TLK2: variants seen among roughly 807,000 people sequenced by gnomAD.
TLK2 encodes the protein serine/threonine-protein kinase tousled-like 2.
TLK2 carries 6 observed loss-of-function variants against 117.3 expected under a neutral mutation model. The ratio of observed to expected loss-of-function variants is 0.05; its 90% CI spans 0.03 to 0.10. TLK2 has a LOEUF of 0.10. Among genes scored for constraint, TLK2 ranks in the 10% least tolerant of loss-of-function variants. The pLI, the probability that TLK2 is intolerant of heterozygous loss-of-function variation, is 1.00. For missense variants in TLK2, 299 were observed against 901.2 expected (o/e 0.33, Z 8.56); for synonymous variants, 257 against 316.7 (o/e 0.81, Z 2.00).
chr17:62,559,667 G>A (rs1279235350), intron 9 of TLK2, among the ~76,000 whole-genome samples: 2 of 152,014 alleles, frequency 1.3e-5, no homozygotes, highest in African/African-American at 4.8e-5. Context: ...CATGAGCCAC[G>A]ATTCCCAGCT....
intron 2 of TLK2, among the ~76,000 whole-genome samples, chr17:62,513,027 C>T (rs1181891278): frequency 4.6e-5 from 7 of 151,160 alleles, no homozygotes; most frequent in East Asian, 3.9e-4. Flanking sequence ...TACAGGCACC[C>T]GCCACCATGC....
chr17:62,516,251 T>G, intron 2 of TLK2: 1 of 847,450 alleles, frequency 1.2e-6, no homozygotes, highest in Non-Finnish European at 1.9e-6. Flanking sequence ...AAGAGTTGAT[T>G]ATAGTTTTAG....
At chr17:62,480,766 A>G (rs1208799054) in intron 1 of TLK2, among the ~76,000 whole-genome samples, 1 of 152,242 alleles carries the variant, frequency 6.6e-6, no homozygotes, top group Non-Finnish European at 1.5e-5. Flanking sequence ...TAAGGCTGAT[A>G]GAAGGAATTT....
chr17:62,516,220 C>A (rs1255402796), intron 2 of TLK2: 6 of 717,980 alleles, frequency 8.4e-6, no homozygotes, highest in Admixed American at 2.3e-5. Flanking sequence ...TCACCGCGCC[C>A]GGCTCTCCCT....
chr17:62,524,203 A>C, intron 5 of TLK2, 33 bp from the exon 6 acceptor site: 1 of 1,612,942 alleles, frequency 6.2e-7, no homozygotes, highest in South Asian at 1.1e-5. Context: ...TACTGTTTTG[A>C]ATTATTCATA....
chr17:62,551,363 T>A (rs1483543437), intron 7 of TLK2, among the ~76,000 whole-genome samples: 3 of 152,238 alleles, frequency 2.0e-5, no homozygotes, highest in East Asian at 1.9e-4. Flanking sequence ...TTTCTACTTA[T>A]GTCTGTGATG....
At chr17:62,555,348 A>G (rs2078775814) in intron 9 of TLK2, among the ~76,000 whole-genome samples, 1 of 152,052 alleles carries the variant, frequency 6.6e-6, no homozygotes, top group Non-Finnish European at 1.5e-5. Flanking sequence ...CTTGTATTAT[A>G]TTTCTGTACT....
intron 10 of TLK2, among the ~76,000 whole-genome samples, chr17:62,563,356 A>G (rs1452801970): frequency 6.6e-6 from 1 of 152,144 alleles, no homozygotes; most frequent in Non-Finnish European, 1.5e-5. Flanking sequence ...AGGTGGGAGG[A>G]TCATTGGAGC....
intron 10 of TLK2, among the ~76,000 whole-genome samples, chr17:62,562,846 A>G (rs2079407949): frequency 6.6e-6 from 1 of 152,084 alleles, no homozygotes; most frequent in Non-Finnish European, 1.5e-5. Context: ...TTGGCCGGGC[A>G]TGGTGACTCA....
chr17:62,570,873 T>A (rs2080232327), intron 11 of TLK2, among the ~76,000 whole-genome samples: 1 of 152,166 alleles, frequency 6.6e-6, no homozygotes, highest in Non-Finnish European at 1.5e-5. Context: ...ATTGCTAAAA[T>A]CTCAATTTTG....
chr17:62,584,107 G>GTTTTTTTTTTTTTTTTTTTTTTTTTTT (rs572000997), intron 15 of TLK2, among the ~76,000 whole-genome samples: 2 of 78,524 alleles, frequency 2.5e-5, no homozygotes, highest in Non-Finnish European at 4.5e-5. Context: ...TTCTTTTGTG[G>GTTTTTTTTTTTTTTTTTTTTTTTTTTT]TTTTTTTTTT....
At chr17:62,516,170 T>C (rs1015733278) in intron 2 of TLK2, among the ~76,000 whole-genome samples, 26 of 151,906 alleles carry the variant, frequency 1.7e-4, no homozygotes, top group Middle Eastern at 6.8e-3. Flanking sequence ...GGTGATCCGC[T>C]CACCTCGGCC....
At chr17:62,489,036 C>T (rs892380120) in intron 2 of TLK2, among the ~76,000 whole-genome samples, 3 of 151,902 alleles carry the variant, frequency 2.0e-5, no homozygotes, top group Non-Finnish European at 2.9e-5. Flanking sequence ...AAAAATGCCT[C>T]CCATCAGCAT....
rs2083912376 is a variant in TLK2 at position 62,613,097 on chromosome 17, A to G, written c.*532A>G. On this transcript the variant is annotated 3_prime_UTR_variant, in exon 22 of 22. Transcript: ENST00000346027. ...AAAGTTGCTATTGCCCGTTAAAGGC[A>G]CTAGAGTTAGTGTTTTATCCCTAAA... 1.3e-5 allele frequency: 2 copies of G among 152,698 alleles called. No homozygotes were observed. The highest frequency in any genetic ancestry group is 6.5e-5 in the Admixed American group (1 of 15,286). The allele number at this position is 152,698 out of a possible 1,614,324, so 9.5% of individuals were successfully genotyped here.
intron 14 of TLK2, among the ~76,000 whole-genome samples, chr17:62,579,334 C>G (rs2081046666): frequency 6.6e-6 from 1 of 152,102 alleles, no homozygotes; most frequent in Admixed American, 6.6e-5. Context: ...AATCAGAAAA[C>G]AAGCTTAGAG....
At chr17:62,572,762 A>G (rs2146606089) in intron 11 of TLK2, 1 of 153,340 alleles carries the variant, frequency 6.5e-6, no homozygotes, top group Middle Eastern at 3.4e-3. Flanking sequence ...TTTCTTTAGC[A>G]TCCTACAAAC....
intron 2 of TLK2, among the ~76,000 whole-genome samples, chr17:62,487,618 A>ATGT (rs1438330069): frequency 1.4e-4 from 14 of 97,232 alleles, no homozygotes; most frequent in South Asian, 1.3e-3. Flanking sequence ...CTTGGCAAGT[A>ATGT]TCTTTTTTTT....
intron 6 of TLK2, among the ~76,000 whole-genome samples, chr17:62,532,264 A>G (rs1247817614): frequency 6.6e-6 from 1 of 152,136 alleles, no homozygotes; most frequent in Non-Finnish European, 1.5e-5. Flanking sequence ...TCAAACAGGA[A>G]AGGCTGTAGC....
intron 16 of TLK2, among the ~76,000 whole-genome samples, 190 bp from the exon 17 acceptor site, chr17:62,596,395 A>G (rs891234102): frequency 3.9e-5 from 6 of 152,156 alleles, no homozygotes; most frequent in African/African-American, 1.2e-4. Flanking sequence ...TATTTTCTCA[A>G]TGGCTTGGTA....
Sources: gnomAD v4.1 joint callset for allele counts (sites outside exome capture counted in the v4.1 genomes callset) on GRCh38, gnomAD v4.1.1 for gene constraint, MANE v1.5 for transcripts, NCBI Gene and HGNC (gene_info 2026-07-23, HGNC 2026-07-21) for gene names.